FAM118A: variants seen among roughly 807,000 people sequenced by gnomAD.
The protein encoded by FAM118A is protein FAM118A.
In FAM118A, 25 loss-of-function variants were observed where a neutral mutation model predicts 38.2. That is an observed-to-expected ratio of 0.65 (90% CI 0.48 to 0.91). FAM118A has a LOEUF of 0.91. FAM118A is among the 40% of genes least tolerant of loss of function. The pLI is 0.00. For missense variants in FAM118A, 425 were observed against 463.3 expected, an observed-to-expected ratio of 0.92 and a Z score of 0.76; for synonymous variants, 178 against 184.1, an observed-to-expected ratio of 0.97 and a Z score of 0.27.
chr22:45,322,160 A>C (rs1473953), intron 1 of FAM118A: 4 of 1,493,296 alleles, frequency 2.7e-6, no homozygotes, highest in Non-Finnish European at 3.6e-6. Flanking sequence ...CGAGAGTCCA[A>C]CCAGCCTGAT....
intron 1 of FAM118A, chr22:45,318,900 G>A (rs2084726809): frequency 6.6e-6 from 1 of 152,236 alleles, no homozygotes; most frequent in Non-Finnish European, 1.5e-5. Flanking sequence ...GGCTGAGAAA[G>A]AGGTTTTGAG....
chr22:45,328,455 C>G (rs757119767), intron 4 of FAM118A: 1 of 905,282 alleles, frequency 1.1e-6, no homozygotes, highest in Non-Finnish European at 1.9e-6. Context: ...GAGCTGCTCT[C>G]ACTTTGTAGC....
At chr22:45,311,450 G>T (rs543825689) in intron 1 of FAM118A, among the ~76,000 whole-genome samples, 10 of 152,328 alleles carry the variant, frequency 6.6e-5, no homozygotes, top group Middle Eastern at 3.4e-3. Context: ...AGGAAGGTGG[G>T]AGGTGGTCAG....
intron 8 of FAM118A, among the ~76,000 whole-genome samples, chr22:45,338,358 C>A (rs1234721595): frequency 2.4e-4 from 37 of 152,092 alleles, no homozygotes; most frequent in Admixed American, 2.4e-3. Flanking sequence ...GCCTCCTGAG[C>A]AGCTGGGACT....
chr22:45,328,788 AG>A, intron 4 of FAM118A: 1 of 295,976 alleles, frequency 3.4e-6, no homozygotes, highest in Non-Finnish European at 6.5e-6. Context: ...AAAAAACAAA[AG>A]AAAAAAAAAA....
chr22:45,323,076 T>TGC (rs1555911091), intron 2 of FAM118A, 99 bp from the exon 3 acceptor site: 10 of 1,282,216 alleles, frequency 7.8e-6, no homozygotes, highest in Non-Finnish European at 1.1e-5. Flanking sequence ...TGTGTGTGTG[T>TGC]ACACAGCACA....
rs200482461 is a variant in FAM118A, at chr22:45,327,824, C to T, written c.301-18C>T. The T allele has an allele frequency of 5.2e-5, 84 of 1,613,482 alleles. No individual in the cohort carries two copies. The highest frequency in any genetic ancestry group is 1.8e-4 in the South Asian group (16 of 91,040). Reference sequence around the variant, plus strand: ...TAAGAGCTGATGTTTTGGTAACTGTCGTTCCACCTTTTTGTAGCGCACAGG... The same window carrying T: ...TAAGAGCTGATGTTTTGGTAACTGTTGTTCCACCTTTTTGTAGCGCACAGG... On this transcript the variant is annotated intron_variant, in intron 3 of 8. Coordinates refer to ENST00000441876, the MANE Select transcript of FAM118A (RefSeq NM_017911.4).
At chr22:45,337,648 T>TC (rs1230125918) in intron 8 of FAM118A, among the ~76,000 whole-genome samples, 1 of 152,046 alleles carries the variant, frequency 6.6e-6, no homozygotes, top group East Asian at 1.9e-4. Flanking sequence ...ACCCCACATC[T>TC]CCCAGGACAC....
In FAM118A at chr22:45,340,620, G is replaced by C; in HGVS notation, c.*215G>C. The C allele has an allele frequency of 1.7e-6, 1 of 597,358 alleles. No individual in the cohort carries two copies. Among genetic ancestry groups the C allele is most frequent in the Non-Finnish European group, 3.0e-6 (1 of 335,792 alleles). 37.0% of individuals were successfully genotyped at this position (597,358 alleles called of 1,614,324 possible). On this transcript the variant is annotated 3_prime_UTR_variant, in exon 9 of 9. Transcript: ENST00000441876. ...GGAGGGTGACGCGGACACATTTCAGGTGGACTTTGCAAGGACTGATGGATA... is the reference window on the plus strand; with the variant it reads ...GGAGGGTGACGCGGACACATTTCAGCTGGACTTTGCAAGGACTGATGGATA...
intron 1 of FAM118A, among the ~76,000 whole-genome samples, chr22:45,319,783 T>G: frequency 6.6e-6 from 1 of 152,172 alleles, no homozygotes; most frequent in East Asian, 1.9e-4. Flanking sequence ...ATTAGTTTGA[T>G]GACTGATGTT....
intron 8 of FAM118A, 50 bp from the exon 9 acceptor site, chr22:45,340,336 C>A: frequency 1.2e-6 from 2 of 1,610,064 alleles, no homozygotes; most frequent in South Asian, 1.1e-5. Context: ...CAAATAACTT[C>A]TTTTAGCTGG....
intron 1 of FAM118A, among the ~76,000 whole-genome samples, chr22:45,314,430 G>A (rs111228872): frequency 3.3e-5 from 5 of 152,164 alleles, no homozygotes; most frequent in African/African-American, 1.2e-4. Flanking sequence ...AAAGTGTTGG[G>A]GTCACAGTGG....
chr22:45,322,333 G>C (rs1330739269), intron 1 of FAM118A, 38 bp from the exon 2 acceptor site: 2 of 1,592,780 alleles, frequency 1.3e-6, no homozygotes, highest in Admixed American at 3.6e-5. Context: ...CTTTTACCTG[G>C]GAGACAGAAG....
chr22:45,310,243 C>T (rs924010419), intron 1 of FAM118A, 60 bp downstream of exon 1: 9 of 151,924 alleles, frequency 5.9e-5, no homozygotes, highest in Admixed American at 5.2e-4. Flanking sequence ...ACCCCGAGAT[C>T]CTCAGGATCC....
rs1293300625 is a variant in FAM118A, at chr22:45,340,483, G to C, written c.*78G>C. On this transcript the variant is annotated 3_prime_UTR_variant, in exon 9 of 9. Transcript: ENST00000441876. ...GCCCAAACGAAGAGGAATGTATGGA[G>C]AACTCCACGTGGATCTCTGATTGCG... 16 of 1,512,412 alleles carry C rather than the reference G, an allele frequency of 1.1e-5. No individual in the cohort carries two copies. Among genetic ancestry groups the C allele is most frequent in the Non-Finnish European group, 1.5e-5 (16 of 1,087,334 alleles). 93.7% of individuals were successfully genotyped at this position (1,512,412 alleles called of 1,614,324 possible). A position where few individuals can be genotyped will look rare whatever the true frequency, so the allele number is the denominator to read the frequency against.
intron 7 of FAM118A, 22 bp from the exon 8 acceptor site, chr22:45,336,306 T>A: frequency 2.5e-6 from 4 of 1,596,078 alleles, no homozygotes; most frequent in Non-Finnish European, 3.4e-6. Flanking sequence ...AACAAGCTTC[T>A]TAATAAATTC....
At chr22:45,331,355 C>G (rs1394603357) in intron 5 of FAM118A, among the ~76,000 whole-genome samples, 1 of 98,352 alleles carries the variant, frequency 1.0e-5, no homozygotes, top group Non-Finnish European at 2.0e-5. Context: ...GTAAATAACA[C>G]TTCATTCTCT....
At chr22:45,311,103 G>T (rs901305821) in intron 1 of FAM118A, among the ~76,000 whole-genome samples, 3 of 152,150 alleles carry the variant, frequency 2.0e-5, no homozygotes, top group African/African-American at 7.2e-5. Flanking sequence ...TCTGGGAAGG[G>T]GTGGGTGTTA....
At chr22:45,330,496 C>G in intron 4 of FAM118A, 107 bp from the exon 5 acceptor site, 2 of 1,262,990 alleles carry the variant, frequency 1.6e-6, no homozygotes, top group Non-Finnish European at 2.1e-6. Context: ...CTCGATGATT[C>G]TTTCCAAGAT....
Sources: allele counts gnomAD v4.1 joint callset (sites outside exome capture counted in the v4.1 genomes callset), GRCh38; gene constraint gnomAD v4.1.1; transcripts MANE v1.5; gene names NCBI Gene and HGNC (gene_info 2026-07-23, HGNC 2026-07-21).